MGMT: variants seen among roughly 807,000 people sequenced by gnomAD.
The protein encoded by MGMT is methylated-DNA--protein-cysteine methyltransferase.
Under a neutral mutation model 15.9 loss-of-function variants are expected in MGMT, and 14 were observed. That is an observed-to-expected ratio of 0.88 (90% confidence interval 0.58 to 1.37). MGMT has a LOEUF of 1.37. MGMT is among the 40% of genes most tolerant of loss of function. The pLI is 0.00. For missense variants in MGMT, 282 were observed against 268.1 expected, an observed-to-expected ratio of 1.05 and a Z score of -0.36; for synonymous variants, 130 against 118.2, an observed-to-expected ratio of 1.10 and a Z score of -0.65.
chr10:129,617,743 T>A (rs1276153307), intron 2 of MGMT, among the ~76,000 whole-genome samples: 1 of 152,216 alleles, frequency 6.6e-6, no homozygotes, highest in African/African-American at 2.4e-5. Context: ...TGAAAAGTGT[T>A]TGTTCATGTC....
At chr10:129,539,605 C>A (rs1049437444) in intron 2 of MGMT, among the ~76,000 whole-genome samples, 3 of 152,264 alleles carry the variant, frequency 2.0e-5, no homozygotes, top group Admixed American at 6.5e-5. Context: ...CTCCTGGGTT[C>A]ACGCCATTCT....
intron 2 of MGMT, among the ~76,000 whole-genome samples, chr10:129,622,785 T>C (rs1487159799): frequency 6.6e-6 from 1 of 150,732 alleles, no homozygotes. Flanking sequence ...TTTCAATAAA[T>C]GGCCTGTAAA....
rs543493235 is a variant in MGMT, at chr10:129,670,801, C to A, written c.126-37094C>A. Among the ~76,000 whole-genome samples, 16 of 152,284 alleles carry A rather than the reference C, an allele frequency of 1.1e-4. No individual in the cohort carries two copies. In the South Asian group the frequency reaches 2.7e-3, roughly 26 times the overall value. The stretch of plus-strand genomic sequence containing the variant: ...AACTATCAAAGCTCTCTCAGGAATT[C>A]GTAACTTAGTTGCTGTGGTGCCTGT... On this transcript the variant is annotated intron_variant, in intron 2 of 4. Coordinates refer to ENST00000651593, the MANE Select transcript of MGMT (RefSeq NM_002412.5).
At chr10:129,501,414 G>T (rs1004327325) in intron 1 of MGMT, among the ~76,000 whole-genome samples, 3 of 152,170 alleles carry the variant, frequency 2.0e-5, no homozygotes, top group African/African-American at 7.2e-5. Flanking sequence ...GAAAATTGAG[G>T]GTTTATTTTG....
chr10:129,737,333 C>A (rs924332061), intron 3 of MGMT, among the ~76,000 whole-genome samples: 1 of 152,130 alleles, frequency 6.6e-6, no homozygotes, highest in Non-Finnish European at 1.5e-5. Context: ...CCCTTTCTTC[C>A]AGTTGATTGC....
chr10:129,711,581 G>C (rs889792275), intron 3 of MGMT, among the ~76,000 whole-genome samples: 1 of 152,202 alleles, frequency 6.6e-6, no homozygotes. Flanking sequence ...TCTCGTTCAA[G>C]TGTTGTTTTA....
chr10:129,613,365 A>G (rs1035515349), intron 2 of MGMT, among the ~76,000 whole-genome samples: 3 of 152,210 alleles, frequency 2.0e-5, no homozygotes, highest in Admixed American at 6.5e-5. Context: ...TTTGAATATC[A>G]CATGCTTGGT....
intron 2 of MGMT, among the ~76,000 whole-genome samples, chr10:129,612,669 G>T (rs1394472694): frequency 3.3e-5 from 5 of 152,194 alleles, no homozygotes; most frequent in African/African-American, 9.6e-5. Flanking sequence ...AGCCTAGCTA[G>T]TGACTTCCAC....
intron 2 of MGMT, among the ~76,000 whole-genome samples, chr10:129,606,498 G>A (rs1017146951): frequency 1.3e-5 from 2 of 152,194 alleles, no homozygotes; most frequent in Non-Finnish European, 2.9e-5. Context: ...TGGGCACCGA[G>A]GGCCTCCGCA....
In MGMT at chr10:129,705,885, C is replaced by T. The variant is rs139990307; in HGVS notation, c.126-2010C>T. On this transcript the variant is annotated intron_variant, in intron 2 of 4. Transcript: ENST00000651593. ...GCCAGGGAGACCAGCAGAATCAGCA[C>T]GGGGCCAGGGCAACAGCCCCATCCA... 4.0e-3 allele frequency among the ~76,000 whole-genome samples: 607 copies of T among 152,198 alleles called. 5 individuals are homozygous for T. The highest frequency in any genetic ancestry group is 0.013 in the African/African-American group (541 of 41,536).
intron 1 of MGMT, among the ~76,000 whole-genome samples, chr10:129,531,847 G>A (rs1845936434): frequency 6.6e-6 from 1 of 151,996 alleles, no homozygotes; most frequent in Non-Finnish European, 1.5e-5. Flanking sequence ...GGTGAAATGA[G>A]GCAGGGCTTT....
chr10:129,590,084 T>C (rs542376512), intron 2 of MGMT, among the ~76,000 whole-genome samples: 1 of 152,182 alleles, frequency 6.6e-6, no homozygotes, highest in Admixed American at 6.5e-5. Flanking sequence ...ATGGGTTCCC[T>C]GTTAATTCCT....
intron 2 of MGMT, among the ~76,000 whole-genome samples, chr10:129,572,318 T>C (rs1355346708): frequency 1.3e-5 from 2 of 152,250 alleles, no homozygotes; most frequent in Non-Finnish European, 2.9e-5. Context: ...CCCAACACTT[T>C]TTCTTCAAAT....
intron 1 of MGMT, among the ~76,000 whole-genome samples, chr10:129,518,922 A>C (rs1410179039): frequency 6.6e-6 from 1 of 151,814 alleles, no homozygotes; most frequent in African/African-American, 2.4e-5. Context: ...TTTGTATTAT[A>C]GTAGCTCTGT....
chr10:129,555,472 AG>A (rs1195228861), intron 2 of MGMT, among the ~76,000 whole-genome samples: 1 of 152,140 alleles, frequency 6.6e-6, no homozygotes, highest in Non-Finnish European at 1.5e-5. Context: ...GCACTTTGGG[AG>A]GCCAAGGCAA....
intron 2 of MGMT, among the ~76,000 whole-genome samples, chr10:129,582,349 G>A (rs570445913): frequency 1.0e-3 from 159 of 152,336 alleles, no homozygotes; most frequent in African/African-American, 3.8e-3. Context: ...CCCTCCTCGT[G>A]TTATAGTTCT....
At chr10:129,690,917 G>A (rs1847962548) in intron 2 of MGMT, among the ~76,000 whole-genome samples, 1 of 152,174 alleles carries the variant, frequency 6.6e-6, no homozygotes, top group African/African-American at 2.4e-5. Flanking sequence ...GAGCAGGATG[G>A]TGACAACCAG....
intron 3 of MGMT, among the ~76,000 whole-genome samples, chr10:129,740,017 C>T (rs1848612407): frequency 6.6e-6 from 1 of 152,216 alleles, no homozygotes; most frequent in South Asian, 2.1e-4. Context: ...CACTTCCTTC[C>T]ACCTGGCCTG....
At chr10:129,498,100 C>T (rs534890177) in intron 1 of MGMT, among the ~76,000 whole-genome samples, 4 of 152,310 alleles carry the variant, frequency 2.6e-5, no homozygotes, top group East Asian at 1.9e-4. Flanking sequence ...GGATGCCTCT[C>T]GTTTGGGTTT....
Sources: gnomAD v4.1 joint callset for allele counts (sites outside exome capture counted in the v4.1 genomes callset) on GRCh38, gnomAD v4.1.1 for gene constraint, MANE v1.5 for transcripts, NCBI Gene and HGNC (gene_info 2026-07-23, HGNC 2026-07-21) for gene names.